KLHL22: variants seen among roughly 807,000 people sequenced by gnomAD.
KLHL22 encodes kelch like family member 22.
In KLHL22, 18 loss-of-function variants were observed where a neutral mutation model predicts 60.7. The observed-to-expected ratio is 0.30, with a 90% confidence interval of 0.20 to 0.44. The LOEUF is 0.44. KLHL22 is among the 20% of genes least tolerant of loss of function. The pLI, the probability that KLHL22 is intolerant of heterozygous loss-of-function variation, is 1.00. For synonymous variants in KLHL22, 355 were observed against 354.5 expected, an observed-to-expected ratio of 1.00 and a Z score of -0.01; for missense variants, 596 against 852.3, an observed-to-expected ratio of 0.70 and a Z score of 3.74.
At chr22:20,476,803 C>T (rs2053422732) in intron 2 of KLHL22, among the ~76,000 whole-genome samples, 2 of 148,030 alleles carry the variant, frequency 1.4e-5, no homozygotes, top group Non-Finnish European at 3.0e-5. Context: ...CCGCCTACCA[C>T]GTTCAAGCGA....
Position 20,495,279 on chromosome 22 carries a change from C to T in KLHL22, c.-34+481G>A, listed in dbSNP as rs1393236690. Among the ~76,000 whole-genome samples, 1 of 152,242 alleles carries T rather than the reference C, an allele frequency of 6.6e-6. No individual in the cohort carries two copies. Among genetic ancestry groups the T allele is most frequent in the African/African-American group, 2.4e-5 (1 of 41,472 alleles). On this transcript the variant is annotated intron_variant, in intron 1 of 6. Coordinates refer to ENST00000328879, the MANE Select transcript of KLHL22 (RefSeq NM_032775.4). This position sits in a 1 kb window ranked among gnomAD's most constrained non-coding sequence, Gnocchi z 4.6. ...GCGATCTCCGGCTCCTCTCAGGAAA[C>T]CGGGAGAGCTGGCAAGGCTGGGCTC...
chr22:20,463,562 C>G (rs928168971), intron 4 of KLHL22, among the ~76,000 whole-genome samples: 4 of 152,240 alleles, frequency 2.6e-5, no homozygotes, highest in Non-Finnish European at 5.9e-5. Flanking sequence ...AGGTTACTCT[C>G]AGCAGGGTGG....
intron 4 of KLHL22, among the ~76,000 whole-genome samples, chr22:20,461,528 G>A (rs1183822625): frequency 8.2e-6 from 1 of 122,172 alleles, no homozygotes; most frequent in Non-Finnish European, 1.6e-5. Flanking sequence ...ACTCCAGCCT[G>A]GGTGACAGAG....
chr22:20,442,379 C>A lies in KLHL22; in HGVS notation c.1599G>T (p.Gly533=). 1 of 1,613,158 alleles carries A rather than the reference C, an allele frequency of 6.2e-7. No individual in the cohort carries two copies. Among genetic ancestry groups the A allele is most frequent in the Non-Finnish European group, 8.5e-7 (1 of 1,179,592 alleles). The change falls in exon 7 of 7, where the codon GGG becomes GGT. Residue 533 remains glycine, a synonymous_variant. Coordinates refer to ENST00000328879, the MANE Select transcript of KLHL22 (RefSeq NM_032775.4). The stretch of plus-strand genomic sequence containing the variant: ...GCACAGCAATGCCAGGCTCACCGTG[C>A]CCAGCAGGGAGTGGGCAGACAGATG... ...QWSSVCPLPA[G]HGEPGIAVLD...
At chr22:20,460,262 G>A (rs890414526) in intron 4 of KLHL22, among the ~76,000 whole-genome samples, 2 of 152,110 alleles carry the variant, frequency 1.3e-5, no homozygotes, top group Non-Finnish European at 2.9e-5. Flanking sequence ...CGAGTCTATT[G>A]TCCTCACAGC....
At chr22:20,458,437 C>T (rs1271932922) in intron 4 of KLHL22, among the ~76,000 whole-genome samples, 2 of 145,998 alleles carry the variant, frequency 1.4e-5, no homozygotes, top group African/African-American at 2.5e-5. Context: ...CGCACCACAA[C>T]GCCCGCTATT....
At chr22:20,485,373 G>A (rs1011358437) in intron 2 of KLHL22, among the ~76,000 whole-genome samples, 3 of 152,218 alleles carry the variant, frequency 2.0e-5, no homozygotes, top group Non-Finnish European at 4.4e-5. Context: ...ATGCAGTCTG[G>A]CCATCCAATT....
At position 20,442,267 on chromosome 22, in the gene KLHL22, CCTT is replaced by C. The variant is rs770330745; in HGVS notation, c.1708_1710del (p.Lys570del). On this transcript the variant is annotated inframe_deletion, in exon 7 of 7. Coordinates refer to ENST00000328879, the MANE Select transcript of KLHL22 (RefSeq NM_032775.4). ...AGCTGGGGCCCTTCCTCCCAGCAGT[CCTT>C]CTCCACATCGTAAATGTGCACGTAG... 2.5e-6 allele frequency: 4 copies of C among 1,613,858 alleles called. No individual in the cohort carries two copies. Among genetic ancestry groups the C allele is most frequent in the Non-Finnish European group, 1.7e-6 (2 of 1,179,930 alleles).
At position 20,471,426 on chromosome 22, in the gene KLHL22, T is replaced by C. The variant is rs761064378; in HGVS notation, c.317A>G (p.His106Arg). The C allele has an allele frequency of 4.3e-6, 7 of 1,614,044 alleles. No individual in the cohort carries two copies. In the East Asian group the frequency reaches 1.3e-4, roughly 31 times the overall value. Residue 106 changes from histidine to arginine, a missense_variant, in exon 3 of 7, where the codon CAT (histidine) becomes CGT (arginine). His to Arg is a conservative substitution (Grantham distance 29). Coordinates refer to ENST00000328879, the MANE Select transcript of KLHL22 (RefSeq NM_032775.4). Reference sequence around the variant, plus strand: ...CTCCAGCTCGGAGGTGTATATGAAATGTAGGATTTGGCACATAGCATTGTA... The same window carrying C: ...CTCCAGCTCGGAGGTGTATATGAAACGTAGGATTTGGCACATAGCATTGTA... ...VSYNAMCQILHFIYTSELELS... is the reference protein window; with the variant it reads ...VSYNAMCQILRFIYTSELELS...
At chr22:20,490,966 G>A (rs2053677976) in intron 1 of KLHL22, among the ~76,000 whole-genome samples, 1 of 152,198 alleles carries the variant, frequency 6.6e-6, no homozygotes, top group South Asian at 2.1e-4. Flanking sequence ...CCCACAGGTT[G>A]AGGGCTGAGT....
intron 5 of KLHL22, chr22:20,451,945 G>A (rs145577374): frequency 1.8e-5 from 15 of 840,832 alleles, no homozygotes; most frequent in Non-Finnish European, 2.3e-5. Context: ...ACAGGCACCA[G>A]TGCAGTGATG....
rs749919541 is a variant in KLHL22 at position 20,465,155 on chromosome 22, C to T, written c.815G>A (p.Ser272Asn). ...DPSPLRDTVA[S>N]ALMYHRNESL... ...CTCGTTCCGGTGGTACATGAGGGCGCTGGCCACTGTGTCCCTCAAAGGGCT... is the reference window on the plus strand; with the variant it reads ...CTCGTTCCGGTGGTACATGAGGGCGTTGGCCACTGTGTCCCTCAAAGGGCT... The change falls in exon 4 of 7, where the codon AGC (serine) becomes AAC (asparagine). Residue 272 changes from serine to asparagine, a missense_variant. Ser to Asn is a conservative substitution (Grantham distance 46). Coordinates refer to ENST00000328879, the MANE Select transcript of KLHL22 (RefSeq NM_032775.4). This position sits in a 1 kb window ranked among gnomAD's most constrained non-coding sequence, Gnocchi z 4.9. 8.1e-6 allele frequency: 13 copies of T among 1,613,724 alleles called. No individual in the cohort carries two copies. In the East Asian group the frequency reaches 2.9e-4, roughly 36 times the overall value.
In KLHL22 at chr22:20,465,154, G is replaced by C; in HGVS notation, c.816C>G (p.Ser272Arg). ...DPSPLRDTVA[S>R]ALMYHRNESL... ...TCTCGTTCCGGTGGTACATGAGGGC[G>C]CTGGCCACTGTGTCCCTCAAAGGGC... The change falls in exon 4 of 7, where the codon AGC becomes AGG. Residue 272 changes from serine (S) to arginine (R), a missense_variant. Coordinates refer to ENST00000328879, the MANE Select transcript of KLHL22 (RefSeq NM_032775.4). The surrounding 1 kb of genome is among the most constrained non-coding windows in gnomAD (Gnocchi z 4.9). The C allele has an allele frequency of 6.2e-7, 1 of 1,613,706 alleles. No individual in the cohort carries two copies. The highest frequency in any genetic ancestry group is 8.5e-7 in the Non-Finnish European group (1 of 1,180,000).
At chr22:20,462,014 C>T (rs1164736183) in intron 4 of KLHL22, among the ~76,000 whole-genome samples, 1 of 152,170 alleles carries the variant, frequency 6.6e-6, no homozygotes, top group African/African-American at 2.4e-5. Flanking sequence ...AGGAGAATTG[C>T]TTGAACCTCA....
At chr22:20,494,771 T>C (rs972528977) in intron 1 of KLHL22, among the ~76,000 whole-genome samples, 37 of 152,206 alleles carry the variant, frequency 2.4e-4, no homozygotes, top group Non-Finnish European at 4.9e-4. Context: ...AAGCTTAATG[T>C]GCCACATAGC....
chr22:20,447,052 C>T (rs940098985), intron 5 of KLHL22, among the ~76,000 whole-genome samples: 6 of 152,172 alleles, frequency 3.9e-5, no homozygotes, highest in African/African-American at 1.4e-4. Context: ...TGGCCTCCAC[C>T]CCTCCCCCAC....
chr22:20,473,148 G>A (rs186918498), intron 2 of KLHL22, among the ~76,000 whole-genome samples: 1 of 152,344 alleles, frequency 6.6e-6, no homozygotes, highest in East Asian at 1.9e-4. Context: ...GCTGGAGGAG[G>A]AGCCCCTGGA....
chr22:20,471,517 T>G lies in KLHL22; in HGVS notation c.228-2A>C. The G allele has an allele frequency of 6.2e-7, 1 of 1,613,128 alleles. No individual in the cohort carries two copies. Among genetic ancestry groups the G allele is most frequent in the Non-Finnish European group, 8.5e-7 (1 of 1,179,410 alleles). ...TTCAATCCCCCAGCAAACATTCCTCTGCAAAGTGAAGACACAAGAAAATGG... is the reference window on the plus strand; with the variant it reads ...TTCAATCCCCCAGCAAACATTCCTCGGCAAAGTGAAGACACAAGAAAATGG... On this transcript the variant is annotated splice_acceptor_variant, in intron 2 of 6. Coordinates refer to ENST00000328879, the MANE Select transcript of KLHL22 (RefSeq NM_032775.4). LOFTEE classifies it high-confidence loss of function.
chr22:20,442,136 G>A lies in KLHL22; in HGVS notation c.1842C>T (p.Asp614=), dbSNP rs777544882. ...GTPDRSQADP[D]FASEVMSVSD... ...ACACACTCATCACCTCAGAGGCAAA[G>A]TCCGGGTCGGCCTGGCTGCGGTCAG... The change falls in exon 7 of 7, where the codon GAC becomes GAT. Residue 614 remains aspartate (D), a synonymous_variant. Coordinates refer to ENST00000328879, the MANE Select transcript of KLHL22 (RefSeq NM_032775.4). 4 of 1,538,664 alleles carry A rather than the reference G, an allele frequency of 2.6e-6. No individual in the cohort carries two copies. Among genetic ancestry groups the A allele is most frequent in the African/African-American group, 1.4e-5 (1 of 72,634 alleles).
Sources: allele counts gnomAD v4.1 joint callset (sites outside exome capture counted in the v4.1 genomes callset), GRCh38; gene constraint gnomAD v4.1.1; non-coding constraint Gnocchi (gnomAD v3.1); transcripts MANE v1.5; gene names NCBI Gene and HGNC (gene_info 2026-07-23, HGNC 2026-07-21).